The following DOCK3 variants were observed in gnomAD, a reference collection of about 807,000 sequenced individuals.
DOCK3 encodes dedicator of cytokinesis 3, also known as dedicator of cytokinesis protein 3.
In DOCK3, 60 loss-of-function variants were observed where a neutral mutation model predicts 265.6. The ratio of observed to expected loss-of-function variants is 0.23; its 90% CI spans 0.18 to 0.28. DOCK3 has a LOEUF of 0.28. Among genes scored for constraint, DOCK3 ranks in the 10% least tolerant of loss-of-function variants. The probability of loss-of-function intolerance (pLI) is 1.00; values close to 1 mark genes in which losing one functional copy is unlikely to be tolerated. For synonymous variants in DOCK3, 881 were observed against 938.0 expected, an observed-to-expected ratio of 0.94 and a Z score of 1.11; for missense variants, 1,981 against 2,594.3, an observed-to-expected ratio of 0.76 and a Z score of 5.14.
intron 1 of DOCK3, among the ~76,000 whole-genome samples, chr3:50,750,060 C>T (rs2039691604): frequency 6.6e-6 from 1 of 152,110 alleles, no homozygotes; most frequent in African/African-American, 2.4e-5. Context: ...CTGAGCTCCG[C>T]CTCCTGTCAG....
intron 19 of DOCK3, among the ~76,000 whole-genome samples, chr3:51,233,349 TC>T (rs1560254346): frequency 0.083 from 3,021 of 36,334 alleles, 111 homozygotes; most frequent in African/African-American, 0.18. Context: ...TATCTATCTA[TC>T]TATCTATCTA....
At chr3:50,734,805 G>T (rs1221016879) in intron 1 of DOCK3, among the ~76,000 whole-genome samples, 1 of 151,872 alleles carries the variant, frequency 6.6e-6, no homozygotes, top group Non-Finnish European at 1.5e-5. Context: ...GGGTTTCACT[G>T]TGTTAGCCAG....
intron 2 of DOCK3, among the ~76,000 whole-genome samples, chr3:50,805,557 G>A (rs1304170312): frequency 1.3e-5 from 2 of 152,172 alleles, no homozygotes; most frequent in African/African-American, 2.4e-5. Flanking sequence ...AGCTGACCTG[G>A]GGACATGTCT....
intron 22 of DOCK3, 142 bp from the exon 23 acceptor site, chr3:51,260,014 A>G: frequency 1.3e-6 from 1 of 762,816 alleles, no homozygotes; most frequent in Admixed American, 3.4e-5. Flanking sequence ...AAAATAAAGT[A>G]CCTATCTATC....
intron 24 of DOCK3, among the ~76,000 whole-genome samples, chr3:51,273,943 A>G (rs1036594232): frequency 6.6e-6 from 1 of 152,182 alleles, no homozygotes; most frequent in Non-Finnish European, 1.5e-5. Flanking sequence ...CTTCCTTGTG[A>G]AGTAAATGTA....
At chr3:51,086,356 C>G (rs2082427810) in intron 7 of DOCK3, among the ~76,000 whole-genome samples, 1 of 152,234 alleles carries the variant, frequency 6.6e-6, no homozygotes, top group South Asian at 2.1e-4. Flanking sequence ...GTGTGGGCAT[C>G]ATGGCCATCA....
intron 3 of DOCK3, among the ~76,000 whole-genome samples, chr3:50,864,014 A>G (rs2047030272): frequency 6.6e-6 from 1 of 151,990 alleles, no homozygotes; most frequent in African/African-American, 2.4e-5. Flanking sequence ...GTCCTTTTTT[A>G]GTTTTTTGAG....
At chr3:50,902,069 G>T (rs578129890) in intron 4 of DOCK3, among the ~76,000 whole-genome samples, 1 of 152,208 alleles carries the variant, frequency 6.6e-6, no homozygotes, top group East Asian at 1.9e-4. Context: ...TTTTAGTGTG[G>T]TTGTTTGTTT....
At chr3:51,330,627 A>G (rs1380889737) in intron 33 of DOCK3, among the ~76,000 whole-genome samples, 1 of 152,018 alleles carries the variant, frequency 6.6e-6, no homozygotes, top group Non-Finnish European at 1.5e-5. Context: ...GTAAGGTAGT[A>G]CAATCAGCTC....
chr3:51,301,216 GTTGT>G (rs1271523565), intron 27 of DOCK3, among the ~76,000 whole-genome samples: 1 of 152,078 alleles, frequency 6.6e-6, no homozygotes, highest in Admixed American at 6.5e-5. Context: ...TTTTCTGATG[GTTGT>G]TTGTATTTCT....
At chr3:51,126,255 C>T (rs780840642) in intron 9 of DOCK3, among the ~76,000 whole-genome samples, 1 of 152,128 alleles carries the variant, frequency 6.6e-6, no homozygotes, top group African/African-American at 2.4e-5. Context: ...CTTGGGAAGT[C>T]GCAAAGGGCC....
intron 51 of DOCK3, among the ~76,000 whole-genome samples, chr3:51,379,145 C>G (rs1313595354): frequency 4.6e-5 from 7 of 152,206 alleles, no homozygotes; most frequent in Admixed American, 3.9e-4. Flanking sequence ...TTCTCTTCTC[C>G]TCCTGGCAGA....
intron 4 of DOCK3, among the ~76,000 whole-genome samples, chr3:50,928,842 G>A (rs1048622791): frequency 1.3e-5 from 2 of 152,196 alleles, no homozygotes; most frequent in Admixed American, 6.5e-5. Context: ...TATGCATTCA[G>A]TAGAAACCAT....
At chr3:50,793,871 G>A (rs60204288) in intron 2 of DOCK3, among the ~76,000 whole-genome samples, 3,121 of 152,218 alleles carry the variant, frequency 0.021, 107 homozygotes, top group African/African-American at 0.071. Context: ...GGCATTTAGT[G>A]CTATATATTT....
rs563114296 is a variant in DOCK3 at position 51,228,189 on chromosome 3, G to T, written c.1647+101G>T. 26 of 1,181,202 alleles carry T rather than the reference G, an allele frequency of 2.2e-5. No individual in the cohort carries two copies. The African/African-American group carries it at 3.5e-4, about 16-fold the overall frequency. The allele number at this position is 1,181,202 out of a possible 1,614,324, so 73.2% of individuals were successfully genotyped here. A position where few individuals can be genotyped will look rare whatever the true frequency, so the allele number is the denominator to read the frequency against. On this transcript the variant is annotated intron_variant, in intron 17 of 52. Coordinates refer to ENST00000266037, the MANE Select transcript of DOCK3 (RefSeq NM_004947.5). The stretch of plus-strand genomic sequence containing the variant: ...GTGGTTTTCACTGGGCAGGCCAGAA[G>T]ACCAAGGGAAGTGCACTGGTGGGTG...
chr3:51,132,172 C>T (rs963664538), intron 9 of DOCK3, among the ~76,000 whole-genome samples: 1 of 152,212 alleles, frequency 6.6e-6, no homozygotes, highest in Non-Finnish European at 1.5e-5. Flanking sequence ...ACTCCCCAAG[C>T]TGCAATATTA....
At chr3:50,922,319 G>A (rs1267802376) in intron 4 of DOCK3, among the ~76,000 whole-genome samples, 1 of 152,192 alleles carries the variant, frequency 6.6e-6, no homozygotes, top group Non-Finnish European at 1.5e-5. Context: ...TGTGCTAGCA[G>A]TGATCGAGGC....
At position 50,758,253 on chromosome 3, in the gene DOCK3, A is replaced by G. The variant is rs1235841908; in HGVS notation, c.38-20422A>G. 2.2e-5 allele frequency among the ~76,000 whole-genome samples: 3 copies of G among 137,704 alleles called. No individual in the cohort carries two copies. In the East Asian group the frequency reaches 7.1e-4, roughly 32 times the overall value. 90.3% of individuals were successfully genotyped at this position (137,704 alleles called of 152,430 possible). A position where few individuals can be genotyped will look rare whatever the true frequency, so the allele number is the denominator to read the frequency against. ...ATTTGAAGGTTATCCCCCCCGCCCCAGAGTCTTAGTTCTTTTCCTTTGACA... is the reference window on the plus strand; with the variant it reads ...ATTTGAAGGTTATCCCCCCCGCCCCGGAGTCTTAGTTCTTTTCCTTTGACA... On this transcript the variant is annotated intron_variant, in intron 1 of 52. Coordinates refer to ENST00000266037, the MANE Select transcript of DOCK3 (RefSeq NM_004947.5).
chr3:51,275,762 A>G (rs906787906), intron 25 of DOCK3, among the ~76,000 whole-genome samples: 2 of 151,950 alleles, frequency 1.3e-5, no homozygotes, highest in African/African-American at 4.8e-5. Flanking sequence ...GCTTTTACCC[A>G]TTTTCTTTCC....
Sources: allele counts gnomAD v4.1 joint callset (sites outside exome capture counted in the v4.1 genomes callset), GRCh38; gene constraint gnomAD v4.1.1; transcripts MANE v1.5; gene names NCBI Gene and HGNC (gene_info 2026-07-23, HGNC 2026-07-21).